Variants in CA13 observed in about 807,000 individuals in gnomAD.
CA13 encodes carbonic anhydrase 13.
A neutral mutation model predicts 31.5 loss-of-function variants in CA13; 21 were observed. The ratio of observed to expected loss-of-function variants is 0.67; its 90% CI spans 0.47 to 0.96. The LOEUF is 0.96. Ranked by LOEUF, CA13 falls within the 40% of genes least tolerant of loss-of-function variation. CA13 has a pLI of 0.00. For synonymous variants in CA13, 117 were observed against 111.4 expected, an observed-to-expected ratio of 1.05 and a Z score of -0.32; for missense variants, 315 against 318.9, an observed-to-expected ratio of 0.99 and a Z score of 0.09.
At chr8:85,249,407 ATTG>A (rs1221956205) in intron 1 of CA13, among the ~76,000 whole-genome samples, 1 of 149,890 alleles carries the variant, frequency 6.7e-6, no homozygotes. Flanking sequence ...AGGTGGAAGG[ATTG>A]TTTGAGTTTG....
chr8:85,246,201 A>C (rs1449774637), intron 1 of CA13: 1 of 488,312 alleles, frequency 2.0e-6, no homozygotes, highest in African/African-American at 1.9e-5. Flanking sequence ...ACAGGCTTGG[A>C]GATCAGAAGT....
At chr8:85,270,322 G>C (rs1807512495) in intron 6 of CA13, among the ~76,000 whole-genome samples, 1 of 151,922 alleles carries the variant, frequency 6.6e-6, no homozygotes, top group Non-Finnish European at 1.5e-5. Flanking sequence ...TTTCCCCTTG[G>C]GGCATTGAAC....
At chr8:85,278,722 A>C (rs910680690) in intron 6 of CA13, among the ~76,000 whole-genome samples, 1 of 152,182 alleles carries the variant, frequency 6.6e-6, no homozygotes, top group Non-Finnish European at 1.5e-5. Context: ...CTGGTGATTT[A>C]TGATGTTGCT....
chr8:85,245,903 G>T (rs775689693), intron 1 of CA13, 38 bp downstream of exon 1: 1 of 1,613,400 alleles, frequency 6.2e-7, no homozygotes, highest in Non-Finnish European at 8.5e-7. Context: ...GGGTTTGTGC[G>T]GGGGACGAGA....
Position 85,245,750 on chromosome 8 carries a change from C to G in CA13, c.-79C>G. 1 of 1,543,442 alleles carries G rather than the reference C, an allele frequency of 6.5e-7. No homozygotes were observed. Among genetic ancestry groups the G allele is most frequent in the South Asian group, 1.1e-5 (1 of 89,488 alleles). On this transcript the variant is annotated 5_prime_UTR_variant, in exon 1 of 7. Transcript: ENST00000321764. ...CCCCGCGGTCCCGCCCTAGCAGGCT[C>G]CTTCCCGGGCCCCTCCCCGCTCCCT...
intron 2 of CA13, among the ~76,000 whole-genome samples, chr8:85,254,100 G>A (rs1345294642): frequency 6.6e-6 from 1 of 151,982 alleles, no homozygotes; most frequent in Non-Finnish European, 1.5e-5. Flanking sequence ...CCAACATGCT[G>A]AAACCCTGTC....
intron 2 of CA13, among the ~76,000 whole-genome samples, chr8:85,253,751 A>G (rs1807235198): frequency 6.6e-6 from 1 of 152,096 alleles, no homozygotes. Context: ...GCTGACACAC[A>G]CTGGTAGACC....
At chr8:85,266,913 TAACAA>T (rs1807465481) in intron 4 of CA13, among the ~76,000 whole-genome samples, 1 of 152,206 alleles carries the variant, frequency 6.6e-6, no homozygotes, top group African/African-American at 2.4e-5. Flanking sequence ...TTTATGTGAA[TAACAA>T]TAGCAGCATC....
chr8:85,268,843 C>T (rs1002358348), intron 6 of CA13, among the ~76,000 whole-genome samples: 3 of 152,054 alleles, frequency 2.0e-5, no homozygotes, highest in South Asian at 4.1e-4. Context: ...ATGTACATAG[C>T]GACACTGATG....
chr8:85,267,742 G>A (rs894982147), intron 4 of CA13, among the ~76,000 whole-genome samples, 160 bp from the exon 5 acceptor site: 1 of 152,172 alleles, frequency 6.6e-6, no homozygotes, highest in African/African-American at 2.4e-5. Flanking sequence ...GCATGATAAG[G>A]CTGGCAGGTA....
At chr8:85,261,708 G>T (rs752454760) in intron 3 of CA13, among the ~76,000 whole-genome samples, 2 of 152,138 alleles carry the variant, frequency 1.3e-5, no homozygotes, top group Non-Finnish European at 2.9e-5. Flanking sequence ...TTACAGGCGT[G>T]AGCCACCGCG....
chr8:85,267,899 T>C lies in CA13; in HGVS notation c.451-3T>C. 1.3e-6 allele frequency: 2 copies of C among 1,582,898 alleles called. No homozygotes were observed. Among genetic ancestry groups the C allele is most frequent in the Non-Finnish European group, 1.7e-6 (2 of 1,155,278 alleles). On this transcript the variant is annotated splice_polypyrimidine_tract_variant and splice_region_variant and intron_variant, in intron 4 of 6. Coordinates refer to ENST00000321764, the MANE Select transcript of CA13 (RefSeq NM_198584.3). ...CATTTCTTTTGAAATTTCATGTTTTTAGATTGGTGAACCTAATTCCCAACT... is the reference window on the plus strand; with the variant it reads ...CATTTCTTTTGAAATTTCATGTTTTCAGATTGGTGAACCTAATTCCCAACT...
intron 2 of CA13, among the ~76,000 whole-genome samples, chr8:85,256,206 T>C (rs1419837341): frequency 6.6e-6 from 1 of 152,226 alleles, no homozygotes. Flanking sequence ...TGCTGGAACC[T>C]TTATTTTTAA....
At chr8:85,279,274 A>G (rs1393353191) in intron 6 of CA13, among the ~76,000 whole-genome samples, 2 of 152,204 alleles carry the variant, frequency 1.3e-5, no homozygotes, top group East Asian at 1.9e-4. Flanking sequence ...TGCTGCTTGA[A>G]TAAAGCCTGG....
At chr8:85,250,448 G>T (rs1175496520) in intron 1 of CA13, among the ~76,000 whole-genome samples, 2 of 151,912 alleles carry the variant, frequency 1.3e-5, no homozygotes, top group Admixed American at 6.6e-5. Flanking sequence ...TTTTTAGTTT[G>T]GTAGAAGGTT....
chr8:85,251,263 A>G (rs543427419), intron 2 of CA13, among the ~76,000 whole-genome samples: 4 of 152,202 alleles, frequency 2.6e-5, no homozygotes, highest in Admixed American at 6.5e-5. Context: ...CGGCCTCCCA[A>G]AGTGCTGGGA....
intron 3 of CA13, among the ~76,000 whole-genome samples, chr8:85,260,350 T>A (rs1336984493): frequency 2.6e-5 from 4 of 152,214 alleles, no homozygotes; most frequent in Admixed American, 2.6e-4. Flanking sequence ...TCAATACTAT[T>A]CACGTGAAAA....
chr8:85,268,148 A>C (rs1224061619), intron 5 of CA13, among the ~76,000 whole-genome samples, 184 bp downstream of exon 5: 1 of 152,232 alleles, frequency 6.6e-6, no homozygotes, highest in Non-Finnish European at 1.5e-5. Flanking sequence ...TACCTAAAAT[A>C]AACATGAATA....
intron 6 of CA13, among the ~76,000 whole-genome samples, chr8:85,274,667 C>T (rs185806652): frequency 8.5e-5 from 13 of 152,220 alleles, no homozygotes; most frequent in Admixed American, 5.9e-4. Flanking sequence ...GGTTTTGTTG[C>T]GAGAGCATTT....
Sources: allele counts gnomAD v4.1 joint callset (sites outside exome capture counted in the v4.1 genomes callset), GRCh38; gene constraint gnomAD v4.1.1; transcripts MANE v1.5; gene names NCBI Gene and HGNC (gene_info 2026-07-23, HGNC 2026-07-21).